DHRSX: variants seen among roughly 807,000 people sequenced by gnomAD.
The protein encoded by DHRSX is polyprenol dehydrogenase.
A neutral mutation model predicts 34.0 loss-of-function variants in DHRSX; 31 were observed. The ratio of observed to expected loss-of-function variants is 0.91; its 90% CI spans 0.69 to 1.23. DHRSX has a LOEUF of 1.23. Among genes scored for constraint, DHRSX ranks in the 50% most tolerant of loss-of-function variants. The pLI is 0.00. For synonymous variants in DHRSX, 201 were observed against 183.8 expected (o/e 1.09, Z -0.76); for missense variants, 414 against 428.1 (o/e 0.97, Z 0.29).
At chrX:2,288,189 G>A (rs1653863772) in intron 4 of DHRSX, among the ~76,000 whole-genome samples, 1 of 152,044 alleles carries the variant, frequency 6.6e-6, no homozygotes. Flanking sequence ...GGGAGAGAGA[G>A]AGAACAAGAA....
chrX:2,495,423 T>C (rs1489803254), intron 1 of DHRSX, among the ~76,000 whole-genome samples: 4 of 152,128 alleles, frequency 2.6e-5, no homozygotes, highest in Admixed American at 2.6e-4. Flanking sequence ...GATCATCATT[T>C]GGCTGAAACA....
intron 3 of DHRSX, among the ~76,000 whole-genome samples, chrX:2,357,536 T>G (rs2042871125): frequency 6.6e-6 from 1 of 151,722 alleles, no homozygotes; most frequent in South Asian, 2.1e-4. Flanking sequence ...CATCTGCCAA[T>G]GGAAAAGCAA....
intron 3 of DHRSX, among the ~76,000 whole-genome samples, chrX:2,322,635 G>A (rs2042325673): frequency 6.7e-6 from 1 of 149,916 alleles, no homozygotes; most frequent in Non-Finnish European, 1.5e-5. Context: ...TCCTGCCTCA[G>A]CCTCCTGAGT....
At chrX:2,475,085 G>A (rs2044656527) in intron 1 of DHRSX, among the ~76,000 whole-genome samples, 1 of 150,504 alleles carries the variant, frequency 6.6e-6, no homozygotes, top group Admixed American at 6.6e-5. Flanking sequence ...CTGCTACCAT[G>A]TGCACACTGA....
intron 4 of DHRSX, among the ~76,000 whole-genome samples, chrX:2,276,903 G>A (rs866282776): frequency 1.7e-3 from 35 of 21,170 alleles, no homozygotes; most frequent in African/African-American, 5.5e-3. Context: ...AAGAGAGAAA[G>A]AGAGATGGAG....
chrX:2,379,530 C>T (rs564109654), intron 3 of DHRSX, among the ~76,000 whole-genome samples: 5 of 149,446 alleles, frequency 3.3e-5, no homozygotes, highest in African/African-American at 9.8e-5. Flanking sequence ...CCGTAAAAGA[C>T]GTGTCCACTC....
At chrX:2,465,471 C>T (rs1363633909) in intron 1 of DHRSX, among the ~76,000 whole-genome samples, 1 of 152,076 alleles carries the variant, frequency 6.6e-6, no homozygotes, top group East Asian at 1.9e-4. Context: ...CATTTCATCA[C>T]AGCACAGAGC....
chrX:2,304,011 G>A (rs1270843655), intron 3 of DHRSX, among the ~76,000 whole-genome samples: 13 of 146,288 alleles, frequency 8.9e-5, no homozygotes, highest in African/African-American at 2.5e-4. Flanking sequence ...ATGGATGGAC[G>A]GATGGATGAA....
intron 3 of DHRSX, among the ~76,000 whole-genome samples, chrX:2,367,906 G>A (rs2043012888): frequency 6.6e-6 from 1 of 152,000 alleles, no homozygotes; most frequent in Non-Finnish European, 1.5e-5. Context: ...CAATGAAAAA[G>A]ATAAATGGTT....
chrX:2,273,580 C>G (rs1388249976), intron 4 of DHRSX, among the ~76,000 whole-genome samples: 1 of 152,152 alleles, frequency 6.6e-6, no homozygotes, highest in African/African-American at 2.4e-5. Flanking sequence ...ACCTGTCACC[C>G]AGGAAATGGC....
intron 1 of DHRSX, among the ~76,000 whole-genome samples, chrX:2,435,122 C>T (rs2043976655): frequency 6.6e-6 from 1 of 150,866 alleles, no homozygotes; most frequent in Admixed American, 6.6e-5. Flanking sequence ...TAGTAATTCT[C>T]AGGGGTTCAG....
At chrX:2,493,502 G>GCACA (rs2045210313) in intron 1 of DHRSX, among the ~76,000 whole-genome samples, 1 of 151,460 alleles carries the variant, frequency 6.6e-6, no homozygotes, top group African/African-American at 2.4e-5. Context: ...GCTGAAAGCG[G>GCACA]TTCTGGAACC....
At chrX:2,433,269 C>A (rs1196762150) in intron 1 of DHRSX, among the ~76,000 whole-genome samples, 2 of 152,148 alleles carry the variant, frequency 1.3e-5, no homozygotes, top group Non-Finnish European at 2.9e-5. Flanking sequence ...AAACCCCAAA[C>A]ATGCTACAAA....
intron 3 of DHRSX, among the ~76,000 whole-genome samples, chrX:2,312,862 T>C (rs981714669): frequency 6.6e-6 from 1 of 152,120 alleles, no homozygotes; most frequent in Admixed American, 6.6e-5. Flanking sequence ...GTCCTGCCCA[T>C]GGGCCAGATC....
At chrX:2,240,981 C>T (rs1181583836) in intron 6 of DHRSX, among the ~76,000 whole-genome samples, 1 of 151,928 alleles carries the variant, frequency 6.6e-6, no homozygotes, top group Non-Finnish European at 1.5e-5. Context: ...GTCAGGAGTT[C>T]GAGACCAGCT....
At chrX:2,303,853 GTGGA>G (rs1183150550) in intron 3 of DHRSX, among the ~76,000 whole-genome samples, 3 of 31,572 alleles carry the variant, frequency 9.5e-5, no homozygotes, top group Non-Finnish European at 3.1e-4. Flanking sequence ...GGATGGATGG[GTGGA>G]TGGGTGGATG....
intron 5 of DHRSX, among the ~76,000 whole-genome samples, chrX:2,246,761 A>AGAAAAAGAAAGAAC (rs1342565046): frequency 6.6e-6 from 1 of 151,544 alleles, no homozygotes. Flanking sequence ...AAAGAAAGAA[A>AGAAAAAGAAAGAAC]ATAAAAGAAT....
intron 3 of DHRSX, among the ~76,000 whole-genome samples, chrX:2,317,345 G>A (rs977641024): frequency 2.7e-5 from 4 of 146,348 alleles, no homozygotes; most frequent in African/African-American, 7.7e-5. Flanking sequence ...TCCACCTCCC[G>A]GGCTCAGATG....
At chrX:2,263,556 C>T (rs1322695879) in intron 5 of DHRSX, among the ~76,000 whole-genome samples, 1 of 145,914 alleles carries the variant, frequency 6.9e-6, no homozygotes, top group Non-Finnish European at 1.5e-5. Flanking sequence ...TGTTGTTACT[C>T]CGGCTGGAGT....
Sources: allele counts gnomAD v4.1 joint callset (sites outside exome capture counted in the v4.1 genomes callset), GRCh38; gene constraint gnomAD v4.1.1; transcripts MANE v1.5; gene names NCBI Gene and HGNC (gene_info 2026-07-23, HGNC 2026-07-21).